Variants in DDX60L observed in about 807,000 individuals in gnomAD.
DDX60L encodes probable ATP-dependent RNA helicase DDX60-like.
DDX60L carries 191 observed loss-of-function variants against 211.6 expected under a neutral mutation model. That is an observed-to-expected ratio of 0.90 (90% CI 0.80 to 1.02). The LOEUF (loss-of-function observed/expected upper bound fraction) is 1.02, where lower values mean the gene tolerates loss of function less well. DDX60L is among the 50% of genes least tolerant of loss of function. DDX60L has a pLI of 0.00. For synonymous variants in DDX60L, 706 were observed against 694.1 expected (o/e 1.02, Z -0.27); for missense variants, 2,007 against 1,984.1 (o/e 1.01, Z -0.22).
At chr4:168,369,710 A>G (rs1214229973) in intron 36 of DDX60L, among the ~76,000 whole-genome samples, 1 of 152,138 alleles carries the variant, frequency 6.6e-6, no homozygotes, top group African/African-American at 2.4e-5. Context: ...TATCCAGAAT[A>G]CATAAGAAAC....
rs140097484 is a variant in DDX60L, at chr4:168,396,746, T to C, written c.3492-622A>G. ...CGAGAAGACCTGGAGCTCCGACATC[T>C]CTCTCCCAGGTATTTTTCCCTTCCC... is the stretch of plus-strand genomic sequence containing the variant. On this transcript the variant is annotated intron_variant, in intron 26 of 37. Coordinates refer to ENST00000682922, the MANE Select transcript of DDX60L (RefSeq NM_001012967.3). 2.3e-3 allele frequency among the ~76,000 whole-genome samples: 350 copies of C among 150,580 alleles called. 2 individuals carry two copies. Among genetic ancestry groups the C allele is most frequent in the African/African-American group, 8.3e-3 (339 of 40,992 alleles).
intron 9 of DDX60L, among the ~76,000 whole-genome samples, chr4:168,442,763 G>C (rs1272906935): frequency 1.3e-4 from 19 of 151,230 alleles, no homozygotes; most frequent in Non-Finnish European, 1.9e-4. Context: ...CCCAGCAGGG[G>C]CACACTGACA....
intron 23 of DDX60L, 117 bp from the exon 24 acceptor site, chr4:168,406,195 C>A: frequency 2.0e-6 from 2 of 981,822 alleles, no homozygotes; most frequent in East Asian, 2.8e-5. Flanking sequence ...TCCTTGAGGG[C>A]AGAGGCTGTT....
chr4:168,374,371 T>C (rs1312191794), intron 34 of DDX60L, among the ~76,000 whole-genome samples: 1 of 152,140 alleles, frequency 6.6e-6, no homozygotes, highest in Non-Finnish European at 1.5e-5. Flanking sequence ...TATGACTATA[T>C]TAGGAGACAG....
intron 12 of DDX60L, among the ~76,000 whole-genome samples, chr4:168,431,273 AG>A (rs1752301906): frequency 6.6e-6 from 1 of 152,172 alleles, no homozygotes; most frequent in Admixed American, 6.5e-5. Context: ...CTTGAGACCT[AG>A]GAACACTCTT....
intron 37 of DDX60L, 30 bp from the exon 38 acceptor site, chr4:168,358,306 T>A (rs1453376393): frequency 7.1e-6 from 10 of 1,410,822 alleles, no homozygotes; most frequent in East Asian, 5.5e-5. Flanking sequence ...AATAAAAAAA[T>A]AATGAGCCCA....
In DDX60L at chr4:168,465,481, G is replaced by A. The variant is rs144670871; in HGVS notation, c.265-3441C>T. 2.3e-3 allele frequency among the ~76,000 whole-genome samples: 348 copies of A among 151,894 alleles called. 5 individuals carry two copies. Among genetic ancestry groups the A allele is most frequent in the African/African-American group, 7.8e-3 (324 of 41,450 alleles). On this transcript the variant is annotated intron_variant, in intron 4 of 37. Transcript: ENST00000682922. ...CTGTTGATTATTTCCTTTCCTGTGC[G>A]GAAACTTTTTAGTTTGATATAATCC...
chr4:168,474,604 A>G lies in DDX60L; in HGVS notation c.-110-1795T>C, dbSNP rs1759235100. 2.0e-5 allele frequency among the ~76,000 whole-genome samples: 3 copies of G among 152,204 alleles called. 1 individual carries two copies. The highest frequency in any genetic ancestry group is 2.0e-4 in the Admixed American group (3 of 15,288). ...AAAGAAAAAAATACAGGAACAAGAAAGCACTCTTGAAAATTCAAAGCAAGA... is the reference window on the plus strand; with the variant it reads ...AAAGAAAAAAATACAGGAACAAGAAGGCACTCTTGAAAATTCAAAGCAAGA... On this transcript the variant is annotated intron_variant, in intron 1 of 37. Transcript: ENST00000682922.
intron 5 of DDX60L, among the ~76,000 whole-genome samples, chr4:168,458,927 CA>C (rs572793960): frequency 2.0e-5 from 3 of 152,138 alleles, no homozygotes; most frequent in Non-Finnish European, 4.4e-5. Flanking sequence ...GATAAACATG[CA>C]TATTTCCTCT....
At chr4:168,447,941 G>A (rs1424618487) in intron 9 of DDX60L, among the ~76,000 whole-genome samples, 2 of 150,524 alleles carry the variant, frequency 1.3e-5, no homozygotes, top group Admixed American at 6.6e-5. Flanking sequence ...TGACGAGTTA[G>A]TGGGTGCAGC....
chr4:168,358,011 C>A lies in DDX60L; in HGVS notation c.*136G>T. 1 of 740,324 alleles carries A rather than the reference C, an allele frequency of 1.4e-6. No homozygotes were observed. The highest frequency in any genetic ancestry group is 1.8e-5 in the South Asian group (1 of 54,912). 45.9% of individuals were successfully genotyped at this position (740,324 alleles called of 1,614,324 possible). A position where few individuals can be genotyped will look rare whatever the true frequency, so the allele number is the denominator to read the frequency against. ...TTAAAGTCATTCAGTTAGAAAATAG[C>A]AGAGCTGATATCTGAGTTTAATTCT... On this transcript the variant is annotated 3_prime_UTR_variant, in exon 38 of 38. Transcript: ENST00000682922.
At position 168,358,275 on chromosome 4, in the gene DDX60L, C is replaced by A; in HGVS notation, c.4993G>T (p.Asp1665Tyr). The A allele has an allele frequency of 1.3e-6, 2 of 1,555,636 alleles. No homozygotes were observed. Among genetic ancestry groups the A allele is most frequent in the South Asian group, 1.2e-5 (1 of 83,868 alleles). The change falls in exon 38 of 38, where the codon GAC (aspartate) becomes TAC (tyrosine). Residue 1665 changes from aspartate (D) to tyrosine (Y), a missense_variant and splice_region_variant. Asp to Tyr is a radical substitution (Grantham distance 160). Coordinates refer to ENST00000682922, the MANE Select transcript of DDX60L (RefSeq NM_001012967.3). ...TTTTCACATAGTTCACTCAAGGAGT[C>A]ACTGTATAAATGATAATAATAATAA... Reference protein sequence around the residue: ...DFAFNIQAISDSLSELCENKR... With the variant: ...DFAFNIQAISYSLSELCENKR...
At chr4:168,426,326 T>A (rs917506230) in intron 14 of DDX60L, among the ~76,000 whole-genome samples, 1 of 152,114 alleles carries the variant, frequency 6.6e-6, no homozygotes, top group South Asian at 2.1e-4. Flanking sequence ...CATGGCCCAG[T>A]TAACAATATA....
chr4:168,396,133 T>TAAA lies in DDX60L; in HGVS notation c.3492-12_3492-10dup, dbSNP rs5863929. The TAAA allele has an allele frequency of 1.3e-3, 1,542 of 1,173,092 alleles. 11 individuals are homozygous for TAAA. Among genetic ancestry groups the TAAA allele is most frequent in the Middle Eastern group, 1.9e-3 (6 of 3,238 alleles). The allele number at this position is 1,173,092 out of a possible 1,614,324, so 72.7% of individuals were successfully genotyped here. ...TTGGGTTTTTTTTAGTGCTACTATT[T>TAAA]AAAAAAAAAAAAAAACTTTTAAGTA... On this transcript the variant is annotated splice_polypyrimidine_tract_variant and intron_variant, in intron 26 of 37. Coordinates refer to ENST00000682922, the MANE Select transcript of DDX60L (RefSeq NM_001012967.3).
intron 26 of DDX60L, 80 bp from the exon 27 acceptor site, chr4:168,396,204 G>T: frequency 1.2e-6 from 1 of 855,696 alleles, no homozygotes. Flanking sequence ...AGGCCCCACA[G>T]ATTTCCCTTG....
chr4:168,398,716 G>A (rs1475294141), intron 26 of DDX60L, among the ~76,000 whole-genome samples: 1 of 152,150 alleles, frequency 6.6e-6, no homozygotes, highest in East Asian at 1.9e-4. Flanking sequence ...AGCCAGACTT[G>A]AGGACTCAAC....
intron 13 of DDX60L, among the ~76,000 whole-genome samples, chr4:168,428,482 G>C (rs955322580): frequency 2.0e-5 from 3 of 152,164 alleles, no homozygotes; most frequent in Non-Finnish European, 4.4e-5. Context: ...TAGTGGGAAA[G>C]AGAAATGTTT....
chr4:168,359,614 T>C (rs889805664), intron 37 of DDX60L, among the ~76,000 whole-genome samples: 3 of 152,226 alleles, frequency 2.0e-5, no homozygotes, highest in African/African-American at 7.2e-5. Flanking sequence ...CCTCTTGAGT[T>C]AATCTATATA....
chr4:168,440,910 G>A (rs1209168579), intron 10 of DDX60L, among the ~76,000 whole-genome samples: 3 of 152,094 alleles, frequency 2.0e-5, no homozygotes, highest in East Asian at 3.8e-4. Context: ...GAATGTCTCA[G>A]ACATTATACC....
Sources: gnomAD v4.1 joint callset for allele counts (sites outside exome capture counted in the v4.1 genomes callset) on GRCh38, gnomAD v4.1.1 for gene constraint, MANE v1.5 for transcripts, NCBI Gene and HGNC (gene_info 2026-07-23, HGNC 2026-07-21) for gene names.